The following SIX5 variants were observed in gnomAD, a reference collection of about 807,000 sequenced individuals.
SIX5 encodes SIX homeobox 5.
A neutral mutation model predicts 37.1 loss-of-function variants in SIX5; 21 were observed. That is an observed-to-expected ratio of 0.57 (90% CI 0.40 to 0.81). The LOEUF is 0.81. Ranked by LOEUF, SIX5 falls within the 40% of genes least tolerant of loss-of-function variation. SIX5 has a pLI of 0.00. For missense variants in SIX5, 1,137 were observed against 1,025.1 expected, an observed-to-expected ratio of 1.11 and a Z score of -1.49; for synonymous variants, 626 against 505.9, an observed-to-expected ratio of 1.24 and a Z score of -3.19.
Position 45,766,463 on chromosome 19 carries a change from G to A in SIX5, c.1496C>T (p.Ala499Val), listed in dbSNP as rs2146206509. Residue 499 changes from alanine to valine, a missense_variant, in exon 2 of 3, where the codon GCC becomes GTC. Ala to Val is a moderately conservative substitution (Grantham distance 64, BLOSUM62 0). This residue lies in a region of SIX5 where 787 missense variants were observed against 621.4 expected (regional missense o/e 1.27). Transcript: ENST00000317578. ...CACCTTCACAGGGCTGCCTGGCCCGGCTGCCAACAGCTGCAGGGGCCCCAC... is the reference window on the plus strand; with the variant it reads ...CACCTTCACAGGGCTGCCTGGCCCGACTGCCAACAGCTGCAGGGGCCCCAC... ...QAVGPLQLLAAGPGSPVKVAA... is the reference protein window; with the variant it reads ...QAVGPLQLLAVGPGSPVKVAA... 2 of 1,530,632 alleles carry A rather than the reference G, an allele frequency of 1.3e-6. No individual in the cohort carries two copies. Among genetic ancestry groups the A allele is most frequent in the Middle Eastern group, 1.8e-4 (1 of 5,492 alleles). 94.8% of individuals were successfully genotyped at this position (1,530,632 alleles called of 1,614,324 possible).
At position 45,768,693 on chromosome 19, in the gene SIX5, CCGGCCGCCGCCGCCGCCTCACCCT is replaced by C. The variant is rs1969147214; in HGVS notation, c.128_151del (p.Glu43_Ala50del). Reference sequence around the variant, plus strand: ...CGCAGCCGCTGCGCCCGCCCCGGCCCCGGCCGCCGCCGCCGCCTCACCCTCGGCCGCCTGCAAAGTCTGCAAGAG... The same window carrying C: ...CGCAGCCGCTGCGCCCGCCCCGGCCCCGGCCGCCTGCAAAGTCTGCAAGAG... On this transcript the variant is annotated inframe_deletion, in exon 1 of 3. Coordinates refer to ENST00000317578, the MANE Select transcript of SIX5 (RefSeq NM_175875.5). 3 of 1,346,716 alleles carry C rather than the reference CCGGCCGCCGCCGCCGCCTCACCCT, an allele frequency of 2.2e-6. No individual in the cohort carries two copies. The Admixed American group carries it at 1.1e-4, about 49-fold the overall frequency. 83.4% of individuals were successfully genotyped at this position (1,346,716 alleles called of 1,614,324 possible).
At chr19:45,767,763 G>T in intron 1 of SIX5, 1 of 538,390 alleles carries the variant, frequency 1.9e-6, no homozygotes, top group Non-Finnish European at 3.3e-6. Flanking sequence ...TCCCTCTAGT[G>T]CCCCCCGCAG....
chr19:45,766,910 A>G lies in SIX5; in HGVS notation c.1049T>C (p.Leu350Pro). 2.6e-6 allele frequency: 4 copies of G among 1,556,988 alleles called. No individual in the cohort carries two copies. The highest frequency in any genetic ancestry group is 3.5e-6 in the Non-Finnish European group (4 of 1,153,734). ...CGGGCCCAGGCTGGAGGCCTCGCCC[A>G]GGGCCAGGCCGTTGATGATGACGGG... Reference protein sequence around the residue: ...GGPVIINGLALGEASSLGPLL... With the variant: ...GGPVIINGLAPGEASSLGPLL... The change falls in exon 2 of 3, where the codon CTG becomes CCG. Residue 350 changes from leucine to proline, a missense_variant. This residue lies in a region of SIX5 where 787 missense variants were observed against 621.4 expected (regional missense o/e 1.27). Coordinates refer to ENST00000317578, the MANE Select transcript of SIX5 (RefSeq NM_175875.5).
At chr19:45,767,231 C>T (rs548263982) in intron 1 of SIX5, 76 bp from the exon 2 acceptor site, 2 of 1,476,772 alleles carry the variant, frequency 1.4e-6, no homozygotes, top group African/African-American at 1.4e-5. Context: ...GCTGCTCCCC[C>T]ACCTTTCCCT....
rs1489331838 is a variant in SIX5 at position 45,765,722 on chromosome 19, C to T, written c.1999G>A (p.Ala667Thr). ...LSPAAVPVWS[A>T]GLELSAGTEG... ...GTTCCTGCGCTTAGTTCCAGCCCTGCTGACCAGACAGGCACGGCCGCGGGT... is the reference window on the plus strand; with the variant it reads ...GTTCCTGCGCTTAGTTCCAGCCCTGTTGACCAGACAGGCACGGCCGCGGGT... The change falls in exon 3 of 3, where the codon GCA becomes ACA. Residue 667 changes from alanine (A) to threonine (T), a missense_variant. Physicochemically the swap from Ala to Thr is moderately conservative, Grantham distance 58. This residue lies in a region of SIX5 where 787 missense variants were observed against 621.4 expected (regional missense o/e 1.27). Transcript: ENST00000317578. The T allele has an allele frequency of 6.2e-7, 1 of 1,612,810 alleles. No individual in the cohort carries two copies.
At chr19:45,767,428 G>A (rs1401486332) in intron 1 of SIX5, among the ~76,000 whole-genome samples, 2 of 152,232 alleles carry the variant, frequency 1.3e-5, no homozygotes, top group Non-Finnish European at 2.9e-5. Flanking sequence ...TGCCCTAAAA[G>A]TTCCTTGGTT....
chr19:45,767,267 AG>A, intron 1 of SIX5, 112 bp from the exon 2 acceptor site: 1 of 1,154,700 alleles, frequency 8.7e-7, no homozygotes, highest in Non-Finnish European at 1.2e-6. Flanking sequence ...GGATCATTCC[AG>A]GGGTTATGAC....
In SIX5 at chr19:45,765,893, C is replaced by T. The variant is rs1330291661; in HGVS notation, c.1828G>A (p.Glu610Lys). 5.0e-6 allele frequency: 8 copies of T among 1,592,804 alleles called. No homozygotes were observed. The highest frequency in any genetic ancestry group is 1.7e-5 in the Admixed American group (1 of 57,524). ...GAAAGGGTGCCTAGGGCGTGAGCCT[C>T]TGGGAGAGCAGGGCTGGGGGCCACC... is the stretch of plus-strand genomic sequence containing the variant. ...LPVAPSPALP[E>K]AHALGTLSAQ... The change falls in exon 3 of 3, where the codon GAG (glutamate) becomes AAG (lysine). Residue 610 changes from glutamate to lysine, a missense_variant. Glu to Lys is a moderately conservative substitution (Grantham distance 56). This residue lies in a region of SIX5 where 787 missense variants were observed against 621.4 expected (regional missense o/e 1.27). Transcript: ENST00000317578.
At chr19:45,767,528 G>A (rs927304517) in intron 1 of SIX5, among the ~76,000 whole-genome samples, 2 of 152,204 alleles carry the variant, frequency 1.3e-5, no homozygotes, top group South Asian at 2.1e-4. Context: ...TCAGAGAAGG[G>A]AGAGGCCGGC....
chr19:45,768,386 G>C lies in SIX5; in HGVS notation c.459C>G (p.Pro153=). The C allele has an allele frequency of 6.3e-7, 1 of 1,580,670 alleles. No individual in the cohort carries two copies. Among genetic ancestry groups the C allele is most frequent in the Non-Finnish European group, 8.6e-7 (1 of 1,169,092 alleles). Residue 153 remains proline (P), a synonymous_variant, in exon 1 of 3, where the codon CCC becomes CCG. Coordinates refer to ENST00000317578, the MANE Select transcript of SIX5 (RefSeq NM_175875.5). ...CCTGCAGGAAGGCGTGGTGGGCGGCGGGGAAGGGGCGGCTCTCGAGTAGCC... is the reference window on the plus strand; with the variant it reads ...CCTGCAGGAAGGCGTGGTGGGCGGCCGGGAAGGGGCGGCTCTCGAGTAGCC... The part of the protein sequence containing the change: ...LYRLLESRPF[P]AAHHAFLQDL...
In SIX5 at chr19:45,766,931, A is replaced by G; in HGVS notation, c.1028T>C (p.Val343Ala). ...GCCCAGGGCCAGGCCGTTGATGATG[A>G]CGGGGCCCCCGTTGAGGAGCACTGC... ...SPAVLLNGGPVIINGLALGEA... is the reference protein window; with the variant it reads ...SPAVLLNGGPAIINGLALGEA... The change falls in exon 2 of 3, where the codon GTC (valine) becomes GCC (alanine). Residue 343 changes from valine to alanine, a missense_variant. This residue lies in a region of SIX5 where 787 missense variants were observed against 621.4 expected (regional missense o/e 1.27). Transcript: ENST00000317578. 1.3e-6 allele frequency: 2 copies of G among 1,567,524 alleles called. No homozygotes were observed. Among genetic ancestry groups the G allele is most frequent in the Admixed American group, 1.9e-5 (1 of 53,900 alleles).
rs529275321 is a variant in SIX5 at position 45,765,474 on chromosome 19, C to A, written c.*27G>T. The A allele has an allele frequency of 1.2e-6, 2 of 1,612,918 alleles. No homozygotes were observed. Among genetic ancestry groups the A allele is most frequent in the Admixed American group, 1.7e-5 (1 of 60,020 alleles). On this transcript the variant is annotated 3_prime_UTR_variant, in exon 3 of 3. Coordinates refer to ENST00000317578, the MANE Select transcript of SIX5 (RefSeq NM_175875.5). ...GTCCCTGCGTCTTCAGCACCAATGT[C>A]GGGAGAGGCCACGGGGCCACACTGG...
chr19:45,766,080 G>A lies in SIX5; in HGVS notation c.1641C>T (p.Gly547=), dbSNP rs749470626. The stretch of plus-strand genomic sequence containing the variant: ...GGGCCACACCCGTCACGATGGGGCT[G>A]CCAGACACAGGGTTGGCCAGGAGGA... ...GNFLLANPVS[G]SPIVTGVALQ... The change falls in exon 3 of 3, where the codon GGC becomes GGT. Residue 547 remains glycine, a synonymous_variant. Transcript: ENST00000317578. The A allele has an allele frequency of 3.1e-6, 5 of 1,611,894 alleles. No individual in the cohort carries two copies. Among genetic ancestry groups the A allele is most frequent in the South Asian group, 2.2e-5 (2 of 90,750 alleles).
In SIX5 at chr19:45,768,931, G is replaced by A. The variant is rs1283672868; in HGVS notation, c.-87C>T. 4 of 1,062,498 alleles carry A rather than the reference G, an allele frequency of 3.8e-6. No homozygotes were observed. The highest frequency in any genetic ancestry group is 3.3e-5 in the Admixed American group (1 of 30,222). 65.8% of individuals were successfully genotyped at this position (1,062,498 alleles called of 1,614,324 possible). A position where few individuals can be genotyped will look rare whatever the true frequency, so the allele number is the denominator to read the frequency against. On this transcript the variant is annotated 5_prime_UTR_variant, in exon 1 of 3. Transcript: ENST00000317578. ...CCTCCCCCACCTGTCCCCCCTTTTC[G>A]CCCCCACTCCCCGCTCTTCTCGATC...
At position 45,768,401 on chromosome 19, in the gene SIX5, C is replaced by G. The variant is rs766090500; in HGVS notation, c.444G>C (p.Glu148Asp). 1.3e-6 allele frequency: 2 copies of G among 1,565,328 alleles called. No individual in the cohort carries two copies. Among genetic ancestry groups the G allele is most frequent in the South Asian group, 1.1e-5 (1 of 87,254 alleles). Residue 148 changes from glutamate (E) to aspartate (D), a missense_variant, in exon 1 of 3, where the codon GAG becomes GAC. Transcript: ENST00000317578. ...GEYAELYRLL[E>D]SRPFPAAHHA... ...GGTGGGCGGCGGGGAAGGGGCGGCT[C>G]TCGAGTAGCCGGTAGAGCTCGGCGT...
At chr19:45,766,169 G>A in intron 2 of SIX5, 58 bp from the exon 3 acceptor site, 4 of 1,576,464 alleles carry the variant, frequency 2.5e-6, no homozygotes, top group East Asian at 2.3e-5. Flanking sequence ...CCAAGCCAGA[G>A]AGAAGTGGAG....
intron 1 of SIX5, 134 bp from the exon 2 acceptor site, chr19:45,767,289 G>C: frequency 2.2e-6 from 2 of 901,132 alleles, no homozygotes; most frequent in Non-Finnish European, 3.4e-6. Flanking sequence ...GCCTCTCTGA[G>C]ACCACTCCAA....
Position 45,768,361 on chromosome 19 carries a change from C to T in SIX5, c.484G>A (p.Asp162Asn), listed in dbSNP as rs903162739. The T allele has an allele frequency of 6.3e-7, 1 of 1,595,700 alleles. No homozygotes were observed. The highest frequency in any genetic ancestry group is 1.7e-5 in the Admixed American group (1 of 58,178). ...FPAAHHAFLQ[D>N]LYLRARYHEA... ...TGGTAGCGCGCGCGCAGGTAGAGGTCCTGCAGGAAGGCGTGGTGGGCGGCG... is the reference window on the plus strand; with the variant it reads ...TGGTAGCGCGCGCGCAGGTAGAGGTTCTGCAGGAAGGCGTGGTGGGCGGCG... Residue 162 changes from aspartate (D) to asparagine (N), a missense_variant, in exon 1 of 3, where the codon GAC becomes AAC. Coordinates refer to ENST00000317578, the MANE Select transcript of SIX5 (RefSeq NM_175875.5).
chr19:45,768,810 G>C lies in SIX5; in HGVS notation c.35C>G (p.Pro12Arg). 6.6e-7 allele frequency: 1 copy of C among 1,521,244 alleles called. No homozygotes were observed. Among genetic ancestry groups the C allele is most frequent in the Non-Finnish European group, 8.8e-7 (1 of 1,139,652 alleles). The allele number at this position is 1,521,244 out of a possible 1,614,324, so 94.2% of individuals were successfully genotyped here. ...CGCCACCGCCTCCCCCCCAGCCGCC[G>C]GCCCCGCGCTCGGCTCCGCAGGCAA... ...ATLPAEPSAG[P>R]AAGGEAVAAA... The change falls in exon 1 of 3, where the codon CCG becomes CGG. Residue 12 changes from proline (P) to arginine (R), a missense_variant. This residue lies in a region of SIX5 where 331 missense variants were observed against 360.9 expected (regional missense o/e 0.92). Coordinates refer to ENST00000317578, the MANE Select transcript of SIX5 (RefSeq NM_175875.5).
Sources: gnomAD v4.1 joint callset for allele counts (sites outside exome capture counted in the v4.1 genomes callset) on GRCh38, gnomAD v4.1.1 for gene constraint, gnomAD v4.1.1 regional missense constraint, MANE v1.5 for transcripts, NCBI Gene and HGNC (gene_info 2026-07-23, HGNC 2026-07-21) for gene names.